The following ALOXE3 variants were observed in gnomAD, a reference collection of about 807,000 sequenced individuals.
ALOXE3 encodes arachidonate epidermal lipoxygenase 3, also known as hydroperoxide isomerase ALOXE3.
In ALOXE3, 78 loss-of-function variants were observed where a neutral mutation model predicts 87.5. The ratio of observed to expected loss-of-function variants is 0.89; its 90% CI spans 0.74 to 1.08. The LOEUF is 1.08. ALOXE3 is among the 50% of genes least tolerant of loss of function. ALOXE3 has a pLI of 0.00. For missense variants in ALOXE3, 946 were observed against 912.4 expected, an observed-to-expected ratio of 1.04 and a Z score of -0.47; for synonymous variants, 363 against 370.8, an observed-to-expected ratio of 0.98 and a Z score of 0.24.
chr17:8,098,028 T>C (rs1342573651), intron 15 of ALOXE3, among the ~76,000 whole-genome samples: 1 of 152,088 alleles, frequency 6.6e-6, no homozygotes, highest in Non-Finnish European at 1.5e-5. Flanking sequence ...ATTACAGATG[T>C]GAGCCACCAC....
intron 12 of ALOXE3, among the ~76,000 whole-genome samples, chr17:8,108,943 T>C (rs1290325156): frequency 1.3e-5 from 2 of 152,010 alleles, no homozygotes; most frequent in African/African-American, 4.8e-5. Context: ...ATACTCTGAC[T>C]CCACTGGACA....
intron 6 of ALOXE3, among the ~76,000 whole-genome samples, chr17:8,114,155 T>C (rs935901418): frequency 6.6e-6 from 1 of 151,698 alleles, no homozygotes; most frequent in African/African-American, 2.4e-5. Context: ...ACTCACTCAC[T>C]CACTGCACAC....
At chr17:8,103,042 T>C (rs1189422599) in intron 15 of ALOXE3, among the ~76,000 whole-genome samples, 1 of 152,230 alleles carries the variant, frequency 6.6e-6, no homozygotes, top group African/African-American at 2.4e-5. Context: ...ACATAGGAAG[T>C]ATCCAACAAA....
chr17:8,114,370 C>T, intron 6 of ALOXE3, 114 bp downstream of exon 6: 5 of 1,432,240 alleles, frequency 3.5e-6, no homozygotes, highest in Non-Finnish European at 4.8e-6. Context: ...AGAGGAGGGA[C>T]TGGGGCAGGG....
In ALOXE3 at chr17:8,103,445, G is replaced by C. The variant is rs1383642048; in HGVS notation, c.1834C>G (p.Pro612Ala). 3.7e-6 allele frequency: 6 copies of C among 1,614,052 alleles called. No homozygotes were observed. The highest frequency in any genetic ancestry group is 5.1e-6 in the Non-Finnish European group (6 of 1,180,014). The change falls in exon 15 of 16, where the codon CCC (proline) becomes GCC (alanine). Residue 612 changes from proline (P) to alanine (A), a missense_variant. By Grantham distance (27) the Pro-to-Ala change is conservative. Coordinates refer to ENST00000448843, the MANE Select transcript of ALOXE3 (RefSeq NM_021628.3). ...MPNAPSSMRQ[P>A]PPQTKGTTTL... ...GTGGTCCCCTTGGTCTGGGGTGGGG[G>C]CTGCCTCATGGATGATGGAGCATTG...
At chr17:8,114,909 TC>T (rs1568004011) in intron 5 of ALOXE3, 28 bp downstream of exon 5, 1 of 1,613,700 alleles carries the variant, frequency 6.2e-7, no homozygotes, top group Non-Finnish European at 8.5e-7. Context: ...TGACTTCCTT[TC>T]CCCTCCTTCC....
intron 13 of ALOXE3, 79 bp from the exon 14 acceptor site, chr17:8,104,294 C>T (rs1043688996): frequency 5.5e-6 from 6 of 1,087,736 alleles, no homozygotes; most frequent in Non-Finnish European, 8.4e-6. Flanking sequence ...TGGGGCTCAC[C>T]ACAGGGGGAA....
At chr17:8,114,705 G>A (rs1163642326) in intron 5 of ALOXE3, 96 bp from the exon 6 acceptor site, 6 of 1,573,850 alleles carry the variant, frequency 3.8e-6, no homozygotes. Context: ...CCAAGTCCCT[G>A]GGTCTCTCTT....
In ALOXE3 at chr17:8,110,136, T is replaced by C; in HGVS notation, c.1261A>G (p.Met421Val). The change falls in exon 10 of 16, where the codon ATG becomes GTG. Residue 421 changes from methionine to valine, a missense_variant. Met to Val is a conservative substitution (Grantham distance 21). Coordinates refer to ENST00000448843, the MANE Select transcript of ALOXE3 (RefSeq NM_021628.3). ...CTHLLCEAFAMATLRQLPLCH... is the reference protein window; with the variant it reads ...CTHLLCEAFAVATLRQLPLCH... ...AGCGGCAGCTGGCGCAGCGTGGCCATGGCGAAGGCCTCGCACAGCAAATGC... is the reference window on the plus strand; with the variant it reads ...AGCGGCAGCTGGCGCAGCGTGGCCACGGCGAAGGCCTCGCACAGCAAATGC... 1 of 1,613,840 alleles carries C rather than the reference T, an allele frequency of 6.2e-7. No individual in the cohort carries two copies. The highest frequency in any genetic ancestry group is 2.2e-5 in the East Asian group (1 of 44,870).
Position 8,112,196 on chromosome 17 carries a change from C to T in ALOXE3, c.681G>A (p.Ala227=), listed in dbSNP as rs2151841811. The T allele has an allele frequency of 1.2e-6, 2 of 1,612,508 alleles. No individual in the cohort carries two copies. The highest frequency in any genetic ancestry group is 1.7e-6 in the Non-Finnish European group (2 of 1,178,560). The change falls in exon 7 of 16, where the codon GCG becomes GCA. Residue 227 remains alanine, a splice_region_variant and synonymous_variant. Coordinates refer to ENST00000448843, the MANE Select transcript of ALOXE3 (RefSeq NM_021628.3). ...TISLLFNAIP[A]SLGMKLRGLL... ...GCCCTCGAAGCTTCATTCCCAAGGACCTGATGGGAGAGGAAAAGATGAGGG... is the reference window on the plus strand; with the variant it reads ...GCCCTCGAAGCTTCATTCCCAAGGATCTGATGGGAGAGGAAAAGATGAGGG...
intron 13 of ALOXE3, among the ~76,000 whole-genome samples, chr17:8,104,584 T>C (rs146839249): frequency 4.4e-4 from 67 of 152,288 alleles, no homozygotes; most frequent in Non-Finnish European, 7.1e-4. Context: ...AAGCACCCAG[T>C]ATCCAACCAT....
chr17:8,114,800 C>CA, intron 5 of ALOXE3, 138 bp downstream of exon 5: 1 of 1,477,100 alleles, frequency 6.8e-7, no homozygotes, highest in Non-Finnish European at 9.4e-7. Context: ...CCTTTGGGGC[C>CA]ATCTCCCATC....
rs144069104 is a variant in ALOXE3 at position 8,104,136 on chromosome 17, G to A, written c.1764C>T (p.His588=). 5.9e-4 allele frequency: 956 copies of A among 1,613,876 alleles called. 2 individuals are homozygous for A. The highest frequency in any genetic ancestry group is 7.3e-4 in the Non-Finnish European group (860 of 1,179,954). ...TAIIFNCSAQ[H]AAVNSGQHDF... ...TCACCTGCCCACTGTTGACAGCAGC[G>A]TGCTGGGCAGAGCAATTGAAGATGA... is the stretch of plus-strand genomic sequence containing the variant. Residue 588 remains histidine (H), a synonymous_variant, in exon 14 of 16, where the codon CAC becomes CAT. Transcript: ENST00000448843.
chr17:8,108,708 G>A, intron 12 of ALOXE3, 119 bp from the exon 13 acceptor site: 2 of 1,430,986 alleles, frequency 1.4e-6, no homozygotes, highest in Middle Eastern at 2.5e-4. Flanking sequence ...GTTCAGCAGG[G>A]ACCCCCAGGT....
At chr17:8,103,210 C>T in intron 15 of ALOXE3, 113 bp downstream of exon 15, 1 of 1,266,616 alleles carries the variant, frequency 7.9e-7, no homozygotes, top group Non-Finnish European at 1.1e-6. Flanking sequence ...CAAGGCAGTT[C>T]TGCAGTGAAC....
At chr17:8,100,506 G>GA (rs1247397004) in intron 15 of ALOXE3, among the ~76,000 whole-genome samples, 2 of 152,036 alleles carry the variant, frequency 1.3e-5, no homozygotes, top group African/African-American at 4.8e-5. Flanking sequence ...AGAATCTTAA[G>GA]AAAAAAGAAA....
chr17:8,112,001 G>T, intron 7 of ALOXE3, 92 bp downstream of exon 7: 1 of 1,163,322 alleles, frequency 8.6e-7, no homozygotes, highest in Non-Finnish European at 1.3e-6. Flanking sequence ...CCCTGGGAGG[G>T]CTGGGAGAGG....
At position 8,113,543 on chromosome 17, in the gene ALOXE3, C is replaced by T. The variant is rs563665241; in HGVS notation, c.680+941G>A. ...TGGTGCATCTCTGTAATCCCAGCTACTCGGGAGGCTGAGGTGGGAGAATTG... is the reference window on the plus strand; with the variant it reads ...TGGTGCATCTCTGTAATCCCAGCTATTCGGGAGGCTGAGGTGGGAGAATTG... On this transcript the variant is annotated intron_variant, in intron 6 of 15. Coordinates refer to ENST00000448843, the MANE Select transcript of ALOXE3 (RefSeq NM_021628.3). 4.6e-5 allele frequency among the ~76,000 whole-genome samples: 7 copies of T among 152,098 alleles called. No homozygotes were observed. In the South Asian group the frequency reaches 6.2e-4, roughly 14 times the overall value.
In ALOXE3 at chr17:8,096,789, G is replaced by C; in HGVS notation, c.1974C>G (p.Tyr658Ter). 1 of 1,614,192 alleles carries C rather than the reference G, an allele frequency of 6.2e-7. No homozygotes were observed. The highest frequency in any genetic ancestry group is 8.5e-7 in the Non-Finnish European group (1 of 1,180,040). ...EPKDQRPLGTYPDEHFTEEAP... is the reference protein window; with the variant it reads ...EPKDQRPLGT ...CCTCCTCTGTGAAGTGCTCATCTGG[G>C]TAGGTGCCCAGGGGCCTCTGGGAGG... Residue 658 changes from tyrosine (Y) to a stop codon, truncating the protein, a stop_gained, in exon 16 of 16, where the codon TAC (tyrosine) becomes TAG (stop). Coordinates refer to ENST00000448843, the MANE Select transcript of ALOXE3 (RefSeq NM_021628.3). LOFTEE classifies it high-confidence loss of function.
Sources: allele counts gnomAD v4.1 joint callset (sites outside exome capture counted in the v4.1 genomes callset), GRCh38; gene constraint gnomAD v4.1.1; transcripts MANE v1.5; gene names NCBI Gene and HGNC (gene_info 2026-07-23, HGNC 2026-07-21).